The following NUMB variants were observed in gnomAD, a reference collection of about 807,000 sequenced individuals.
NUMB encodes the protein NUMB endocytic adaptor protein.
Under a neutral mutation model 59.7 loss-of-function variants are expected in NUMB, and 29 were observed. That is an observed-to-expected ratio of 0.49 (90% CI 0.36 to 0.66). NUMB has a LOEUF of 0.66. NUMB is among the 30% of genes least tolerant of loss of function. The probability of loss-of-function intolerance (pLI) is 0.00; values close to 1 mark genes in which losing one functional copy is unlikely to be tolerated. For missense variants in NUMB, 723 were observed against 822.0 expected (o/e 0.88, Z 1.47); for synonymous variants, 288 against 288.2 (o/e 1.00, Z 0.01).
At chr14:73,362,269 C>T (rs191012351) in intron 3 of NUMB, among the ~76,000 whole-genome samples, 6 of 151,680 alleles carry the variant, frequency 4.0e-5, no homozygotes, top group African/African-American at 7.3e-5. Context: ...AAAAAAAATG[C>T]TACCAAAATT....
chr14:73,400,017 C>T (rs993182965), intron 2 of NUMB, among the ~76,000 whole-genome samples: 3 of 151,410 alleles, frequency 2.0e-5, no homozygotes, highest in African/African-American at 7.3e-5. Flanking sequence ...CCAGCCTGGG[C>T]GATGGAGTGA....
In NUMB at chr14:73,408,733, C is replaced by T. The variant is rs571508685; in HGVS notation, c.-101+1204G>A. 5.1e-4 allele frequency among the ~76,000 whole-genome samples: 77 copies of T among 151,836 alleles called. No homozygotes were observed. The Middle Eastern group carries it at 0.01, about 20-fold the overall frequency. On this transcript the variant is annotated intron_variant, in intron 2 of 12. Transcript: ENST00000555238. ...TCTCTACTAAAAATACAAAATTAGC[C>T]GGGTGTGGTGGCACAAGCCTGGAAT...
At chr14:73,369,658 C>T (rs986172949) in intron 2 of NUMB, among the ~76,000 whole-genome samples, 3 of 152,146 alleles carry the variant, frequency 2.0e-5, no homozygotes, top group African/African-American at 7.2e-5. Flanking sequence ...TTAACAAATG[C>T]ATTTTATGAG....
chr14:73,334,411 A>G (rs1892175373), intron 4 of NUMB, among the ~76,000 whole-genome samples: 1 of 152,160 alleles, frequency 6.6e-6, no homozygotes, highest in Non-Finnish European at 1.5e-5. Flanking sequence ...AAAACTGTCC[A>G]TTATTTTCCT....
intron 1 of NUMB, among the ~76,000 whole-genome samples, chr14:73,451,179 A>AAAAC (rs1566804087): frequency 2.7e-5 from 4 of 148,854 alleles, no homozygotes; most frequent in African/African-American, 9.9e-5. Flanking sequence ...AAAAAACAAA[A>AAAAC]AACAAATCTA....
chr14:73,448,673 C>A (rs1299254150), intron 1 of NUMB, among the ~76,000 whole-genome samples: 1 of 152,128 alleles, frequency 6.6e-6, no homozygotes, highest in Non-Finnish European at 1.5e-5. Context: ...AATTTAAAAT[C>A]ATTAACAATA....
rs796888924 is a variant in NUMB, at chr14:73,387,732, CAAAA to C, written c.-100-20755_-100-20752del. Among the ~76,000 whole-genome samples the C allele has an allele frequency of 1.3e-3, 125 of 93,734 alleles. 1 individual carries two copies. Among genetic ancestry groups the C allele is most frequent in the African/African-American group, 5.6e-3 (122 of 21,866 alleles). The allele number at this position is 93,734 out of a possible 152,430, so 61.5% of individuals were successfully genotyped here. A position where few individuals can be genotyped will look rare whatever the true frequency, so the allele number is the denominator to read the frequency against. ...TGGGCTACAGAGCAATACCCAATCT[CAAAA>C]AAAAAAAAACAAAAACAAACAAACA... On this transcript the variant is annotated intron_variant, in intron 2 of 12. Coordinates refer to ENST00000555238, the MANE Select transcript of NUMB (RefSeq NM_001005743.2).
At chr14:73,447,316 G>A (rs896132240) in intron 1 of NUMB, among the ~76,000 whole-genome samples, 12 of 151,138 alleles carry the variant, frequency 7.9e-5, no homozygotes, top group African/African-American at 7.3e-5. Context: ...GTGAAACCCC[G>A]TCTCTACTAA....
chr14:73,282,478 C>T lies in NUMB; in HGVS notation c.977G>A (p.Ser326Asn), dbSNP rs369515080. 8 of 1,613,938 alleles carry T rather than the reference C, an allele frequency of 5.0e-6. No individual in the cohort carries two copies. The African/African-American group carries it at 5.3e-5, about 11-fold the overall frequency. The change falls in exon 11 of 13, where the codon AGC becomes AAC. Residue 326 changes from serine to asparagine, a missense_variant. This residue lies in a region of NUMB where 317 missense variants were observed against 436.6 expected (regional missense o/e 0.73). Coordinates refer to ENST00000555238, the MANE Select transcript of NUMB (RefSeq NM_001005743.2). ...AVPEVEGEAE[S>N]ISSLCSQITN... ...GATCTGTGAGCACAGGGAGCTGATG[C>T]TCTCTGCCTCCCCTTCTACTTCTGG... is the stretch of plus-strand genomic sequence containing the variant.
intron 4 of NUMB, among the ~76,000 whole-genome samples, chr14:73,343,757 G>T (rs1037328720): frequency 3.3e-5 from 1 of 29,926 alleles, no homozygotes; most frequent in African/African-American, 2.3e-4. Flanking sequence ...CAAGAGCTTT[G>T]TGTTGATATC....
chr14:73,389,470 G>C (rs754401652), intron 2 of NUMB, among the ~76,000 whole-genome samples: 1 of 151,422 alleles, frequency 6.6e-6, no homozygotes, highest in Non-Finnish European at 1.5e-5. Flanking sequence ...CTACAGGTGC[G>C]TGCCACCACA....
Position 73,279,254 on chromosome 14 carries a change from C to G in NUMB, c.1240+27G>C, listed in dbSNP as rs559031272. On this transcript the variant is annotated intron_variant, in intron 12 of 12. Transcript: ENST00000555238. ...AGGGTCACTTATCTGATCCCAGAAT[C>G]CTCAACACCATCTGTGGCCACCTTA... 7 of 1,613,956 alleles carry G rather than the reference C, an allele frequency of 4.3e-6. No homozygotes were observed. The Admixed American group carries it at 1.2e-4, about 27-fold the overall frequency.
chr14:73,279,052 G>A (rs568037001), intron 12 of NUMB, among the ~76,000 whole-genome samples: 8 of 152,220 alleles, frequency 5.3e-5, no homozygotes, highest in Non-Finnish European at 1.0e-4. Context: ...AAGCTCTATG[G>A]GTGGGGCTCT....
intron 7 of NUMB, among the ~76,000 whole-genome samples, chr14:73,294,014 T>A (rs566654902): frequency 6.6e-6 from 1 of 152,360 alleles, no homozygotes; most frequent in East Asian, 1.9e-4. Flanking sequence ...GTTATTTTGA[T>A]GAGAATAAGT....
intron 2 of NUMB, among the ~76,000 whole-genome samples, chr14:73,404,857 T>C (rs1300162832): frequency 6.6e-6 from 1 of 151,160 alleles, no homozygotes; most frequent in Non-Finnish European, 1.5e-5. Flanking sequence ...GCCTCCCGGG[T>C]TCAAGCAATT....
Position 73,305,882 on chromosome 14 carries a change from T to C in NUMB, c.235-8597A>G, listed in dbSNP as rs1272497012. 2.0e-5 allele frequency among the ~76,000 whole-genome samples: 3 copies of C among 152,214 alleles called. No individual in the cohort carries two copies. The East Asian group carries it at 5.8e-4, about 29-fold the overall frequency. On this transcript the variant is annotated intron_variant, in intron 6 of 12. Coordinates refer to ENST00000555238, the MANE Select transcript of NUMB (RefSeq NM_001005743.2). ...TGGTGATATATAAACCAGGGAACCA[T>C]GATACAGTGTGCCTTGTAATAAACA...
At chr14:73,390,830 G>A (rs1225903861) in intron 2 of NUMB, among the ~76,000 whole-genome samples, 1 of 151,156 alleles carries the variant, frequency 6.6e-6, no homozygotes, top group East Asian at 1.9e-4. Context: ...TGAATTTTTA[G>A]TAGAGACGGG....
intron 4 of NUMB, among the ~76,000 whole-genome samples, chr14:73,323,406 C>G (rs1165830613): frequency 1.3e-5 from 2 of 152,048 alleles, no homozygotes; most frequent in Non-Finnish European, 2.9e-5. Flanking sequence ...AAATACACAG[C>G]CAGTGAAAAA....
At chr14:73,323,510 T>C (rs1385588506) in intron 4 of NUMB, among the ~76,000 whole-genome samples, 1 of 152,202 alleles carries the variant, frequency 6.6e-6, no homozygotes, top group African/African-American at 2.4e-5. Context: ...GGTGAGTAAG[T>C]GAAGAAGTAC....
Sources: allele counts gnomAD v4.1 joint callset (sites outside exome capture counted in the v4.1 genomes callset), GRCh38; gene constraint gnomAD v4.1.1; regional missense constraint gnomAD v4.1.1; transcripts MANE v1.5; gene names NCBI Gene and HGNC (gene_info 2026-07-23, HGNC 2026-07-21).